The following NR2F1-AS1 variants were observed in gnomAD, a reference collection of about 807,000 sequenced individuals.
NR2F1-AS1 encodes NR2F1 antisense RNA 1.
chr5:93,467,403 T>C (rs1750261797), intron 4 of NR2F1-AS1, among the ~76,000 whole-genome samples: 1 of 152,116 alleles, frequency 6.6e-6, no homozygotes, highest in South Asian at 2.1e-4. Flanking sequence ...CATCCTCTCC[T>C]CATTTTTAGC....
intron 4 of NR2F1-AS1, among the ~76,000 whole-genome samples, chr5:93,433,821 C>T (rs1313141132): frequency 6.6e-6 from 1 of 152,136 alleles, no homozygotes; most frequent in Admixed American, 6.6e-5. Flanking sequence ...AATAATTATG[C>T]TGATCAGAAT....
chr5:93,421,023 C>T (rs1029480051), intron 4 of NR2F1-AS1, among the ~76,000 whole-genome samples: 1 of 152,204 alleles, frequency 6.6e-6, no homozygotes, highest in Admixed American at 6.5e-5. Context: ...GATTTACATG[C>T]TCCTTTGTCC....
intron 4 of NR2F1-AS1, among the ~76,000 whole-genome samples, chr5:93,547,986 A>C (rs926722770): frequency 6.6e-6 from 1 of 152,220 alleles, no homozygotes; most frequent in Admixed American, 6.5e-5. Flanking sequence ...AATCAGTGTC[A>C]AGGGTTAAAA....
chr5:93,449,919 GA>G (rs1749792539), intron 4 of NR2F1-AS1, among the ~76,000 whole-genome samples: 3 of 152,106 alleles, frequency 2.0e-5, no homozygotes, highest in Admixed American at 2.0e-4. Flanking sequence ...ACACCAAAAA[GA>G]AATAAAAGAT....
chr5:93,458,978 C>T (rs1159317515), intron 4 of NR2F1-AS1, among the ~76,000 whole-genome samples: 1 of 151,996 alleles, frequency 6.6e-6, no homozygotes, highest in Non-Finnish European at 1.5e-5. Flanking sequence ...CACCATTGCA[C>T]TCCAGCCTGA....
In NR2F1-AS1 at chr5:93,437,780, T is replaced by C. The variant is rs528493502; in HGVS notation, n.639-42238A>G. 2.5e-3 allele frequency among the ~76,000 whole-genome samples: 384 copies of C among 152,358 alleles called. 1 individual carries two copies. The highest frequency in any genetic ancestry group is 9.1e-3 in the African/African-American group (379 of 41,586). ...ACAAGCAACTATCACGTTATTAACA[T>C]AGCCAAAGTTTATATATTTTATTGT... On this transcript the variant is annotated intron_variant and non_coding_transcript_variant, in intron 4 of 5. Coordinates refer to ENST00000660523, the Ensembl canonical transcript of NR2F1-AS1.
chr5:93,541,406 C>T (rs535526889), intron 4 of NR2F1-AS1, among the ~76,000 whole-genome samples: 1 of 152,308 alleles, frequency 6.6e-6, no homozygotes, highest in East Asian at 1.9e-4. Flanking sequence ...CAGTCTCCCT[C>T]AATGGAAATC....
intron 1 of NR2F1-AS1, among the ~76,000 whole-genome samples, chr5:93,573,391 T>C (rs1352298902): frequency 6.6e-6 from 1 of 152,140 alleles, no homozygotes; most frequent in Non-Finnish European, 1.5e-5. Context: ...GGGGATTCAC[T>C]GGGGACTTCC....
intron 4 of NR2F1-AS1, among the ~76,000 whole-genome samples, chr5:93,507,551 T>C (rs954905435): frequency 2.0e-5 from 3 of 151,982 alleles, no homozygotes; most frequent in Non-Finnish European, 2.9e-5. Context: ...AGACACGAGG[T>C]TTTACCATGT....
intron 4 of NR2F1-AS1, among the ~76,000 whole-genome samples, chr5:93,523,773 G>T (rs949985021): frequency 6.6e-6 from 1 of 152,176 alleles, no homozygotes; most frequent in African/African-American, 2.4e-5. Flanking sequence ...CTGACTGTTA[G>T]AAGGAAAATT....
chr5:93,541,254 C>G (rs150484965), intron 4 of NR2F1-AS1, among the ~76,000 whole-genome samples: 189 of 152,250 alleles, frequency 1.2e-3, no homozygotes, highest in African/African-American at 4.0e-3. Flanking sequence ...GTCTCCCAAG[C>G]TTCACTCCTC....
At chr5:93,493,652 A>C (rs1448031878) in intron 4 of NR2F1-AS1, among the ~76,000 whole-genome samples, 1 of 152,162 alleles carries the variant, frequency 6.6e-6, no homozygotes, top group East Asian at 1.9e-4. Context: ...TAATAGATAT[A>C]TAGAACAACA....
chr5:93,518,288 A>G (rs1466441907), intron 4 of NR2F1-AS1, among the ~76,000 whole-genome samples: 1 of 152,150 alleles, frequency 6.6e-6, no homozygotes, highest in Non-Finnish European at 1.5e-5. Flanking sequence ...GTGTAGAAAC[A>G]GTAGAATGAC....
intron 4 of NR2F1-AS1, chr5:93,542,894 G>A (rs1751986011): frequency 6.6e-6 from 1 of 152,286 alleles, no homozygotes; most frequent in Non-Finnish European, 1.5e-5. Context: ...AATGAAACCT[G>A]CCGTCCTCAT....
intron 4 of NR2F1-AS1, among the ~76,000 whole-genome samples, chr5:93,428,122 C>G (rs1276119409): frequency 6.6e-6 from 1 of 152,148 alleles, no homozygotes; most frequent in African/African-American, 2.4e-5. Context: ...TTGCTGTTCT[C>G]TTGTTAAGTA....
Position 93,570,680 on chromosome 5 carries a change from G to A in NR2F1-AS1, n.314-7217C>T, listed in dbSNP as rs563154849. On this transcript the variant is annotated intron_variant and non_coding_transcript_variant, in intron 1 of 5. Transcript: ENST00000660523. ...GCTTTGTCCCTCCGGCCTTCTCAAG[G>A]AGTGGTGGCCTTCTGCGGGGGCGAG... 6 of 152,334 alleles carry A rather than the reference G, an allele frequency of 3.9e-5. No individual in the cohort carries two copies. In the South Asian group the frequency reaches 1.2e-3, roughly 32 times the overall value. 9.4% of individuals were successfully genotyped at this position (152,334 alleles called of 1,614,324 possible).
Position 93,429,560 on chromosome 5 carries a change from G to C in NR2F1-AS1, n.639-34018C>G, listed in dbSNP as rs961485349. ...CACATTTAATTTATTCTATTGAAAG[G>C]GGACATTCTAAATGGTTTCTGAGCT... is the stretch of plus-strand genomic sequence containing the variant. On this transcript the variant is annotated intron_variant and non_coding_transcript_variant, in intron 4 of 5. Coordinates refer to ENST00000660523, the Ensembl canonical transcript of NR2F1-AS1. Among the ~76,000 whole-genome samples, 6 of 152,162 alleles carry C rather than the reference G, an allele frequency of 3.9e-5. 1 individual carries two copies. In the East Asian group the frequency reaches 9.6e-4, roughly 24 times the overall value.
chr5:93,466,519 G>A (rs1750237536), intron 4 of NR2F1-AS1, among the ~76,000 whole-genome samples: 1 of 151,696 alleles, frequency 6.6e-6, no homozygotes, highest in African/African-American at 2.4e-5. Flanking sequence ...TATATTTTTA[G>A]TAGAGACAGG....
chr5:93,573,122 C>T (rs1218544583), intron 1 of NR2F1-AS1, among the ~76,000 whole-genome samples: 1 of 152,208 alleles, frequency 6.6e-6, no homozygotes, highest in East Asian at 1.9e-4. Flanking sequence ...ACGAGCTGTG[C>T]GTTTTTGCGC....
Sources: allele counts gnomAD v4.1 joint callset (sites outside exome capture counted in the v4.1 genomes callset), GRCh38; gene constraint gnomAD v4.1.1; transcripts MANE v1.5; gene names NCBI Gene and HGNC (gene_info 2026-07-23, HGNC 2026-07-21).